Variants in NRXN1 observed in about 807,000 individuals in gnomAD.
NRXN1 encodes the protein neurexin 1, also known as neurexin-1.
Under a neutral mutation model 150.9 loss-of-function variants are expected in NRXN1, and 39 were observed. That is an observed-to-expected ratio of 0.26 (90% CI 0.20 to 0.34). The LOEUF (loss-of-function observed/expected upper bound fraction) is 0.34. Among genes scored for constraint, NRXN1 ranks in the 10% least tolerant of loss-of-function variants. The pLI is 1.00. For missense variants in NRXN1, 1,815 were observed against 1,949.9 expected (o/e 0.93, Z 1.30); for synonymous variants, 924 against 757.0 (o/e 1.22, Z -3.62).
rs114875763 is a variant in NRXN1, at chr2:50,928,000, C to T, written c.773-2045G>A. Among the ~76,000 whole-genome samples, 644 of 152,046 alleles carry T rather than the reference C, an allele frequency of 4.2e-3. 5 individuals are homozygous for T. Among genetic ancestry groups the T allele is most frequent in the African/African-American group, 0.015 (619 of 41,534 alleles). On this transcript the variant is annotated intron_variant, in intron 2 of 22. Coordinates refer to ENST00000401669, the MANE Select transcript of NRXN1 (RefSeq NM_001330078.2). ...TTCAAGGTCACTGATTCAGTCCTGA[C>T]GGCAAGTTCTCCTTTCATGACCATA...
chr2:50,831,584 G>A (rs775584110), intron 5 of NRXN1, among the ~76,000 whole-genome samples: 2 of 152,178 alleles, frequency 1.3e-5, no homozygotes, highest in Admixed American at 6.5e-5. Context: ...AAGTTCTTCA[G>A]AGTGTATAAA....
At chr2:50,423,769 AAAAG>A (rs2084199015) in intron 17 of NRXN1, among the ~76,000 whole-genome samples, 1 of 152,020 alleles carries the variant, frequency 6.6e-6, no homozygotes, top group East Asian at 1.9e-4. Context: ...GTTATTCAGG[AAAAG>A]AAAGAAAGAA....
intron 12 of NRXN1, among the ~76,000 whole-genome samples, chr2:50,518,806 C>T (rs1178297450): frequency 6.6e-6 from 1 of 151,710 alleles, no homozygotes; most frequent in Non-Finnish European, 1.5e-5. Flanking sequence ...ATAAGGATAG[C>T]TGAATATTAT....
chr2:50,613,707 G>C (rs1353944823), intron 8 of NRXN1, among the ~76,000 whole-genome samples: 1 of 152,188 alleles, frequency 6.6e-6, no homozygotes, highest in Non-Finnish European at 1.5e-5. Flanking sequence ...GGGAGGCCCA[G>C]GTGGGTGGAT....
At chr2:51,020,452 T>A (rs763795975) in intron 2 of NRXN1, among the ~76,000 whole-genome samples, 6 of 151,990 alleles carry the variant, frequency 3.9e-5, no homozygotes, top group African/African-American at 7.2e-5. Context: ...CTTCTGGGCA[T>A]AAATGATCTA....
At chr2:49,943,995 A>C (rs1423283639) in intron 21 of NRXN1, among the ~76,000 whole-genome samples, 1 of 152,238 alleles carries the variant, frequency 6.6e-6, no homozygotes, top group Non-Finnish European at 1.5e-5. Context: ...TTTAGTTTAC[A>C]TGAGGACGCA....
intron 5 of NRXN1, among the ~76,000 whole-genome samples, chr2:50,733,444 G>A (rs763723975): frequency 2.1e-4 from 32 of 152,102 alleles, no homozygotes; most frequent in Non-Finnish European, 4.4e-4. Context: ...GGAGTGCTGC[G>A]TTTGGGATGG....
chr2:49,963,852 A>G (rs1327713290), intron 21 of NRXN1, among the ~76,000 whole-genome samples: 1 of 152,228 alleles, frequency 6.6e-6, no homozygotes, highest in Non-Finnish European at 1.5e-5. Flanking sequence ...TAAATTTTAA[A>G]TAGTGGGAGG....
At chr2:50,515,160 C>A (rs1025232013) in intron 12 of NRXN1, among the ~76,000 whole-genome samples, 6 of 152,158 alleles carry the variant, frequency 3.9e-5, no homozygotes, top group Non-Finnish European at 7.3e-5. Flanking sequence ...CCGATTCTCA[C>A]AGGAATGCAA....
intron 17 of NRXN1, among the ~76,000 whole-genome samples, chr2:50,307,250 G>A (rs1480493474): frequency 1.3e-5 from 2 of 152,132 alleles, no homozygotes; most frequent in East Asian, 3.9e-4. Flanking sequence ...CCAAAGTGCT[G>A]GGATCACAGG....
At chr2:50,925,206 T>C (rs1686681772) in intron 3 of NRXN1, among the ~76,000 whole-genome samples, 2 of 151,970 alleles carry the variant, frequency 1.3e-5, no homozygotes, top group South Asian at 4.1e-4. Context: ...GCACACTGAC[T>C]AATGCATTTA....
chr2:50,217,134 G>C (rs576314781), intron 18 of NRXN1, among the ~76,000 whole-genome samples: 1 of 152,148 alleles, frequency 6.6e-6, no homozygotes, highest in East Asian at 1.9e-4. Context: ...TAGCAAAGCA[G>C]ATGTAGCAAA....
intron 17 of NRXN1, among the ~76,000 whole-genome samples, chr2:50,446,107 CT>C (rs2086380423): frequency 6.6e-6 from 1 of 151,086 alleles, no homozygotes; most frequent in South Asian, 2.1e-4. Flanking sequence ...CATAAGGTAA[CT>C]TTGTGTGAAC....
At chr2:50,621,654 T>C (rs1680042488) in intron 6 of NRXN1, among the ~76,000 whole-genome samples, 1 of 152,096 alleles carries the variant, frequency 6.6e-6, no homozygotes, top group Non-Finnish European at 1.5e-5. Flanking sequence ...ATGCCCATAC[T>C]TGACCCCTCC....
At chr2:50,813,035 AT>A (rs530952440) in intron 5 of NRXN1, among the ~76,000 whole-genome samples, 1 of 152,184 alleles carries the variant, frequency 6.6e-6, no homozygotes, top group East Asian at 1.9e-4. Flanking sequence ...ACAATAACAT[AT>A]TTTAAAAAAT....
chr2:50,976,120 TG>T (rs939740784), intron 2 of NRXN1, among the ~76,000 whole-genome samples: 1 of 152,024 alleles, frequency 6.6e-6, no homozygotes, highest in Admixed American at 6.6e-5. Context: ...GGACTTGTAC[TG>T]TTTTCAAATG....
At chr2:50,747,983 A>G (rs1366461010) in intron 5 of NRXN1, among the ~76,000 whole-genome samples, 1 of 152,178 alleles carries the variant, frequency 6.6e-6, no homozygotes, top group East Asian at 1.9e-4. Context: ...TGCTATGACC[A>G]GCAGTCTCTA....
At position 50,829,999 on chromosome 2, in the gene NRXN1, G is replaced by GGAAAAAAAAAAA. The variant is rs1425873902; in HGVS notation, c.832+91869_832+91870insTTTTTTTTTTTC. Among the ~76,000 whole-genome samples the GGAAAAAAAAAAA allele has an allele frequency of 3.1e-4, 18 of 58,180 alleles. 1 individual carries two copies. In the East Asian group the frequency reaches 8.4e-3, roughly 27 times the overall value. The allele number at this position is 58,180 out of a possible 152,430, so 38.2% of individuals were successfully genotyped here. ...GGAACCCAAAGAATACTGCCTGCTG[G>GGAAAAAAAAAAA]AAAAAAAAAAAAAAAAAAAAAAAAA... On this transcript the variant is annotated intron_variant, in intron 5 of 22. Coordinates refer to ENST00000401669, the MANE Select transcript of NRXN1 (RefSeq NM_001330078.2).
At chr2:50,105,056 G>C (rs944960043) in intron 18 of NRXN1, among the ~76,000 whole-genome samples, 4 of 152,044 alleles carry the variant, frequency 2.6e-5, no homozygotes, top group South Asian at 2.1e-4. Flanking sequence ...ATTCAATCCA[G>C]GTCTATCTGG....
Sources: gnomAD v4.1 joint callset for allele counts (sites outside exome capture counted in the v4.1 genomes callset) on GRCh38, gnomAD v4.1.1 for gene constraint, MANE v1.5 for transcripts, NCBI Gene and HGNC (gene_info 2026-07-23, HGNC 2026-07-21) for gene names.